NPHP1: variants seen among roughly 807,000 people sequenced by gnomAD.
NPHP1 encodes the protein nephrocystin 1.
In NPHP1, 70 loss-of-function variants were observed where a neutral mutation model predicts 90.4. That is an observed-to-expected ratio of 0.77 (90% CI 0.64 to 0.95). The LOEUF (loss-of-function observed/expected upper bound fraction) is 0.95. Among genes scored for constraint, NPHP1 ranks in the 40% least tolerant of loss-of-function variants. The pLI, the probability that NPHP1 is intolerant of heterozygous loss-of-function variation, is 0.00. For synonymous variants in NPHP1, 256 were observed against 271.7 expected (o/e 0.94, Z 0.57); for missense variants, 764 against 795.9 (o/e 0.96, Z 0.48).
chr2:110,183,519 T>G (rs1201303449), intron 2 of NPHP1, among the ~76,000 whole-genome samples: 1 of 152,176 alleles, frequency 6.6e-6, no homozygotes, highest in African/African-American at 2.4e-5. Context: ...TTCAATGCTC[T>G]CAGCTCTGAA....
intron 18 of NPHP1, 67 bp from the exon 19 acceptor site, chr2:110,125,748 T>C (rs1453560846): frequency 1.6e-6 from 2 of 1,280,726 alleles, no homozygotes; most frequent in East Asian, 4.6e-5. Context: ...CTTATGCAAA[T>C]TTACTCTGTA....
chr2:110,143,676 T>G (rs375028290), intron 15 of NPHP1, 35 bp from the exon 16 acceptor site: 11 of 1,412,842 alleles, frequency 7.8e-6, no homozygotes, highest in Non-Finnish European at 1.1e-5. Flanking sequence ...TCACGAAACT[T>G]TAAGTACTTG....
chr2:110,194,792 C>T (rs974823200), intron 2 of NPHP1, among the ~76,000 whole-genome samples: 7 of 152,130 alleles, frequency 4.6e-5, no homozygotes, highest in African/African-American at 1.7e-4. Context: ...AGCAGCACAT[C>T]AAAAAGCCTA....
chr2:110,184,038 A>G, intron 2 of NPHP1: 2 of 487,594 alleles, frequency 4.1e-6, no homozygotes, highest in South Asian at 3.1e-5. Flanking sequence ...TTCCTTCCCC[A>G]GGAGAGATTC....
intron 1 of NPHP1, among the ~76,000 whole-genome samples, chr2:110,202,207 T>C (rs956041156): frequency 2.0e-5 from 3 of 152,222 alleles, no homozygotes; most frequent in African/African-American, 7.2e-5. Context: ...ACACTATATG[T>C]AACTTTGTCA....
At chr2:110,158,505 A>C (rs1682075277) in intron 11 of NPHP1, among the ~76,000 whole-genome samples, 1 of 152,052 alleles carries the variant, frequency 6.6e-6, no homozygotes, top group Non-Finnish European at 1.5e-5. Context: ...GATGTTAGGT[A>C]TGTACCCACT....
chr2:110,178,274 C>G (rs1482334174), intron 4 of NPHP1, 149 bp downstream of exon 4: 1 of 782,578 alleles, frequency 1.3e-6, no homozygotes, highest in African/African-American at 1.7e-5. Context: ...CTAACACCTT[C>G]TATTATACAC....
At chr2:110,162,329 G>A (rs933623626) in intron 9 of NPHP1, among the ~76,000 whole-genome samples, 1 of 152,054 alleles carries the variant, frequency 6.6e-6, no homozygotes, top group African/African-American at 2.4e-5. Flanking sequence ...TCACATGAAT[G>A]GGAGTAAGGG....
chr2:110,174,304 C>T (rs543699732), intron 4 of NPHP1, among the ~76,000 whole-genome samples: 1 of 152,160 alleles, frequency 6.6e-6, no homozygotes, highest in African/African-American at 2.4e-5. Context: ...TTTCTCCTTT[C>T]TTGCCTTTTT....
intron 16 of NPHP1, among the ~76,000 whole-genome samples, chr2:110,139,255 G>A (rs781307014): frequency 1.3e-5 from 2 of 151,446 alleles, no homozygotes; most frequent in Non-Finnish European, 2.9e-5. Flanking sequence ...TCCAGATCAG[G>A]GTTTCTTGAT....
chr2:110,146,370 C>T (rs544238557), intron 14 of NPHP1, among the ~76,000 whole-genome samples: 2 of 152,168 alleles, frequency 1.3e-5, no homozygotes, highest in South Asian at 4.2e-4. Flanking sequence ...TTCAATGTCC[C>T]ACCTACAGAG....
chr2:110,185,217 A>T (rs575238113), intron 2 of NPHP1: 1 of 521,476 alleles, frequency 1.9e-6, no homozygotes, highest in Non-Finnish European at 3.8e-6. Flanking sequence ...TCTGAAGTTA[A>T]CTCCACTTTA....
chr2:110,164,990 A>C, intron 7 of NPHP1, 62 bp downstream of exon 7: 8 of 1,314,540 alleles, frequency 6.1e-6, no homozygotes, highest in Non-Finnish European at 8.8e-6. Flanking sequence ...AGTTATAATA[A>C]TAAAAATAAA....
chr2:110,180,448 C>CTTTTTTTTTTTTT (rs3086121), intron 2 of NPHP1, among the ~76,000 whole-genome samples: 32 of 80,912 alleles, frequency 4.0e-4, no homozygotes, highest in Admixed American at 6.6e-4. Context: ...CCGTTTGAGT[C>CTTTTTTTTTTTTT]TTTTTTTTTT....
At chr2:110,161,746 A>T in intron 9 of NPHP1, 49 bp from the exon 10 acceptor site, 1 of 1,336,870 alleles carries the variant, frequency 7.5e-7, no homozygotes, top group Non-Finnish European at 1.1e-6. Flanking sequence ...AGAAACTCCA[A>T]ATCAAAAATC....
At chr2:110,140,014 G>T (rs767051956) in intron 16 of NPHP1, among the ~76,000 whole-genome samples, 6 of 152,074 alleles carry the variant, frequency 3.9e-5, no homozygotes, top group Non-Finnish European at 8.8e-5. Flanking sequence ...TGAACCCACA[G>T]CACAGCCCCA....
At chr2:110,193,063 T>C (rs972637380) in intron 2 of NPHP1, among the ~76,000 whole-genome samples, 2 of 152,166 alleles carry the variant, frequency 1.3e-5, no homozygotes, top group African/African-American at 4.8e-5. Flanking sequence ...TGCCAGATTG[T>C]GAAGACCATC....
intron 2 of NPHP1, chr2:110,184,524 G>T: frequency 8.2e-7 from 1 of 1,224,932 alleles, no homozygotes. Context: ...CACGGGGGTG[G>T]TGCTGGATTC....
intron 2 of NPHP1, 31 bp downstream of exon 2, chr2:110,201,390 T>G (rs755646440): frequency 7.1e-7 from 1 of 1,401,452 alleles, no homozygotes; most frequent in South Asian, 1.2e-5. Flanking sequence ...GTGCGGTTCC[T>G]GTAAAGCTTA....
Sources: allele counts gnomAD v4.1 joint callset (sites outside exome capture counted in the v4.1 genomes callset), GRCh38; gene constraint gnomAD v4.1.1; transcripts MANE v1.5; gene names NCBI Gene and HGNC (gene_info 2026-07-23, HGNC 2026-07-21).